Variants in PLPPR4 observed in about 807,000 individuals in gnomAD.
The protein encoded by PLPPR4 is phospholipid phosphatase-related protein type 4.
Under a neutral mutation model 56.6 loss-of-function variants are expected in PLPPR4, and 24 were observed. That is an observed-to-expected ratio of 0.42 (90% CI 0.31 to 0.60). The LOEUF (loss-of-function observed/expected upper bound fraction) is 0.60, where lower values mean the gene tolerates loss of function less well. Ranked by LOEUF, PLPPR4 falls within the 20% of genes least tolerant of loss-of-function variation. The pLI, the probability that PLPPR4 is intolerant of heterozygous loss-of-function variation, is 0.13. For synonymous variants in PLPPR4, 326 were observed against 328.1 expected (o/e 0.99, Z 0.07); for missense variants, 654 against 885.8 (o/e 0.74, Z 3.32).
intron 2 of PLPPR4, among the ~76,000 whole-genome samples, chr1:99,294,900 G>T (rs1659706347): frequency 6.6e-6 from 1 of 152,070 alleles, no homozygotes; most frequent in Non-Finnish European, 1.5e-5. Context: ...AAGAAGTGAA[G>T]GTGAAATTAA....
At chr1:99,283,803 T>G (rs1659395322) in intron 1 of PLPPR4, among the ~76,000 whole-genome samples, 1 of 151,946 alleles carries the variant, frequency 6.6e-6, no homozygotes, top group African/African-American at 2.4e-5. Context: ...TACAAAAAAA[T>G]TAGCCGGGTG....
chr1:99,307,219 G>A lies in PLPPR4; in HGVS notation c.*209G>A. Reference sequence around the variant, plus strand: ...CACAATGCAAGAACCTAACTAACGTGATGATATGAAGAGTTTTCTTAAGAC... The same window carrying A: ...CACAATGCAAGAACCTAACTAACGTAATGATATGAAGAGTTTTCTTAAGAC... On this transcript the variant is annotated 3_prime_UTR_variant, in exon 7 of 7. Transcript: ENST00000370185. 1.8e-6 allele frequency: 1 copy of A among 554,100 alleles called. No individual in the cohort carries two copies. The highest frequency in any genetic ancestry group is 3.1e-6 in the Non-Finnish European group (1 of 324,760). The allele number at this position is 554,100 out of a possible 1,614,324, so 34.3% of individuals were successfully genotyped here.
chr1:99,281,528 A>G (rs1229427307), intron 1 of PLPPR4, among the ~76,000 whole-genome samples: 1 of 152,186 alleles, frequency 6.6e-6, no homozygotes, highest in Non-Finnish European at 1.5e-5. Context: ...TATATACCAT[A>G]AAGCCTAATA....
intron 3 of PLPPR4, 115 bp downstream of exon 3, chr1:99,296,982 CATG>C (rs1659760710): frequency 3.6e-6 from 4 of 1,096,720 alleles, no homozygotes; most frequent in African/African-American, 1.6e-5. Flanking sequence ...AATTTCAGTA[CATG>C]ATGAGTTTTA....
At chr1:99,268,732 T>G (rs180958986) in intron 1 of PLPPR4, among the ~76,000 whole-genome samples, 1 of 152,260 alleles carries the variant, frequency 6.6e-6, no homozygotes, top group East Asian at 1.9e-4. Context: ...GGTCAAGTTG[T>G]GAAAAGAACT....
intron 1 of PLPPR4, among the ~76,000 whole-genome samples, chr1:99,270,134 C>T (rs1263759890): frequency 1.3e-5 from 2 of 151,794 alleles, no homozygotes; most frequent in African/African-American, 4.8e-5. Flanking sequence ...AAATGATTCT[C>T]CCACTTCAGC....
At chr1:99,282,911 C>A (rs1284832031) in intron 1 of PLPPR4, among the ~76,000 whole-genome samples, 1 of 148,394 alleles carries the variant, frequency 6.7e-6, no homozygotes. Context: ...AGTATGTGTT[C>A]TTTCTGATAT....
intron 4 of PLPPR4, 127 bp downstream of exon 4, chr1:99,299,357 T>A (rs752023241): frequency 1.4e-6 from 1 of 703,020 alleles, no homozygotes; most frequent in Non-Finnish European, 2.4e-6. Context: ...TTCAATTCAA[T>A]GATCTCTTCA....
intron 6 of PLPPR4, among the ~76,000 whole-genome samples, chr1:99,302,293 C>A (rs1313789652): frequency 6.6e-6 from 1 of 152,038 alleles, no homozygotes; most frequent in East Asian, 1.9e-4. Flanking sequence ...CTGAATGTAA[C>A]TGTGATCCAA....
chr1:99,270,899 A>T (rs1570905883), intron 1 of PLPPR4, among the ~76,000 whole-genome samples: 1 of 152,238 alleles, frequency 6.6e-6, no homozygotes, highest in South Asian at 2.1e-4. Context: ...ATAAAGTCTG[A>T]TGCAAAATAA....
intron 6 of PLPPR4, among the ~76,000 whole-genome samples, chr1:99,303,263 A>T (rs1354234505): frequency 6.6e-6 from 1 of 152,120 alleles, no homozygotes; most frequent in Non-Finnish European, 1.5e-5. Flanking sequence ...GGAATGAGAC[A>T]TAATGGCCAG....
At chr1:99,270,999 T>C (rs1032499271) in intron 1 of PLPPR4, among the ~76,000 whole-genome samples, 2 of 152,186 alleles carry the variant, frequency 1.3e-5, no homozygotes, top group Non-Finnish European at 2.9e-5. Context: ...GCACTTGCTA[T>C]TAGGGAATTA....
intron 2 of PLPPR4, among the ~76,000 whole-genome samples, chr1:99,289,137 G>A (rs1659550614): frequency 6.6e-6 from 1 of 152,016 alleles, no homozygotes; most frequent in South Asian, 2.1e-4. Flanking sequence ...CAAGGGAAAT[G>A]GTATTTACTT....
rs924849779 is a variant in PLPPR4, at chr1:99,305,993, A to G, written c.1131A>G (p.Val377=). 1.2e-6 allele frequency: 2 copies of G among 1,614,212 alleles called. No homozygotes were observed. Among genetic ancestry groups the G allele is most frequent in the South Asian group, 1.1e-5 (1 of 91,086 alleles). The change falls in exon 7 of 7, where the codon GTA becomes GTG. Residue 377 remains valine (V), a synonymous_variant. Coordinates refer to ENST00000370185, the MANE Select transcript of PLPPR4 (RefSeq NM_014839.5). Reference sequence around the variant, plus strand: ...TGCCGCGAGCCAATACCCCATCTGTAGAAGACCCTGTCAGAAGAAATGCGA... The same window carrying G: ...TGCCGCGAGCCAATACCCCATCTGTGGAAGACCCTGTCAGAAGAAATGCGA... ...NTLPRANTPS[V]EDPVRRNASI... is the part of the protein sequence containing the mutation.
chr1:99,292,829 T>C (rs993889413), intron 2 of PLPPR4, among the ~76,000 whole-genome samples: 1 of 152,180 alleles, frequency 6.6e-6, no homozygotes, highest in Non-Finnish European at 1.5e-5. Context: ...ATACATTTTC[T>C]CAGCAGTGAT....
Position 99,309,212 on chromosome 1 carries a change from A to C in PLPPR4, c.*2202A>C, listed in dbSNP as rs1033931302. 1 of 152,586 alleles carries C rather than the reference A, an allele frequency of 6.6e-6. No homozygotes were observed. Among genetic ancestry groups the C allele is most frequent in the Non-Finnish European group, 1.5e-5 (1 of 68,012 alleles). The allele number at this position is 152,586 out of a possible 1,614,324, so 9.5% of individuals were successfully genotyped here. A position where few individuals can be genotyped will look rare whatever the true frequency, so the allele number is the denominator to read the frequency against. On this transcript the variant is annotated 3_prime_UTR_variant, in exon 7 of 7. Coordinates refer to ENST00000370185, the MANE Select transcript of PLPPR4 (RefSeq NM_014839.5). ...ACATGTCTTTTGTAAAACAAAAATTACAAAAAAATTTGTTTACATTCCACT... is the reference window on the plus strand; with the variant it reads ...ACATGTCTTTTGTAAAACAAAAATTCCAAAAAAATTTGTTTACATTCCACT...
rs1252361113 is a variant in PLPPR4, at chr1:99,306,201, C to T, written c.1339C>T (p.His447Tyr). The stretch of plus-strand genomic sequence containing the variant: ...GAGGGTAGGGGTGAATGGAGACCAC[C>T]ATGGTCCTGGCAATCAGTACCTCAA... ...PSRVGVNGDH[H>Y]GPGNQYLKIQ... Residue 447 changes from histidine to tyrosine, a missense_variant, in exon 7 of 7, where the codon CAT becomes TAT. Coordinates refer to ENST00000370185, the MANE Select transcript of PLPPR4 (RefSeq NM_014839.5). The surrounding 1 kb of genome is among the most constrained non-coding windows in gnomAD (Gnocchi z 4.0). 1.2e-6 allele frequency: 2 copies of T among 1,614,074 alleles called. No homozygotes were observed. Among genetic ancestry groups the T allele is most frequent in the South Asian group, 2.2e-5 (2 of 91,068 alleles).
chr1:99,274,489 C>T (rs1570907766), intron 1 of PLPPR4, among the ~76,000 whole-genome samples: 2 of 152,188 alleles, frequency 1.3e-5, no homozygotes, highest in South Asian at 4.1e-4. Context: ...GCTGGTTCTC[C>T]TGATTGTTTT....
intron 1 of PLPPR4, among the ~76,000 whole-genome samples, chr1:99,268,151 T>C: frequency 6.6e-6 from 1 of 152,354 alleles, no homozygotes; most frequent in East Asian, 1.9e-4. Context: ...TTTCTATTGT[T>C]TCTCACTGGT....
Sources: gnomAD v4.1 joint callset for allele counts (sites outside exome capture counted in the v4.1 genomes callset) on GRCh38, gnomAD v4.1.1 for gene constraint, Gnocchi (gnomAD v3.1) non-coding constraint, MANE v1.5 for transcripts, NCBI Gene and HGNC (gene_info 2026-07-23, HGNC 2026-07-21) for gene names.